The following ESPNL variants were observed in gnomAD, a reference collection of about 807,000 sequenced individuals.
The protein encoded by ESPNL is espin-like protein.
In ESPNL, 49 loss-of-function variants were observed where a neutral mutation model predicts 46.8. The ratio of observed to expected loss-of-function variants is 1.05; its 90% confidence interval spans 0.83 to 1.33. The LOEUF is 1.33. Among genes scored for constraint, ESPNL ranks in the 40% most tolerant of loss-of-function variants. The pLI is 0.00. For synonymous variants in ESPNL, 664 were observed against 662.1 expected (o/e 1.00, Z -0.04); for missense variants, 1,540 against 1,436.6 (o/e 1.07, Z -1.16).
intron 6 of ESPNL, among the ~76,000 whole-genome samples, chr2:238,126,999 TTGTG>T (rs1199257292): frequency 2.7e-5 from 4 of 148,218 alleles, no homozygotes; most frequent in South Asian, 2.2e-4. Flanking sequence ...CTGTGTGTGA[TTGTG>T]TATCTGTGTG....
intron 4 of ESPNL, among the ~76,000 whole-genome samples, chr2:238,113,249 C>T (rs1691749668): frequency 6.6e-6 from 1 of 152,172 alleles, no homozygotes; most frequent in Non-Finnish European, 1.5e-5. Context: ...CTTATGTTTG[C>T]CAGTACCTCT....
At chr2:238,129,038 T>A in intron 8 of ESPNL, 134 bp downstream of exon 8, 4 of 1,433,478 alleles carry the variant, frequency 2.8e-6, no homozygotes, top group Non-Finnish European at 3.6e-6. Flanking sequence ...TGGCCTCAGC[T>A]GCTGCTTCCG....
rs568688924 is a variant in ESPNL, at chr2:238,130,888, C to T, written c.2174C>T (p.Ala725Val). The change falls in exon 9 of 9, where the codon GCG becomes GTG. Residue 725 changes from alanine to valine, a missense_variant. Ala to Val is a moderately conservative substitution (Grantham distance 64). Coordinates refer to ENST00000343063, the MANE Select transcript of ESPNL (RefSeq NM_194312.4). ...GISCEEVPSE[A>V]GAAAGPDLAS... ...AGCTGCGAGGAGGTGCCATCAGAGG[C>T]GGGTGCCGCAGCCGGCCCAGACCTG... 1.7e-5 allele frequency: 27 copies of T among 1,547,422 alleles called. No homozygotes were observed. The highest frequency in any genetic ancestry group is 8.2e-5 in the African/African-American group (6 of 73,530).
intron 7 of ESPNL, among the ~76,000 whole-genome samples, chr2:238,128,329 C>T (rs1559267912): frequency 6.6e-6 from 1 of 152,236 alleles, no homozygotes. Flanking sequence ...GACAAGCCCT[C>T]CGCGGCACAG....
intron 5 of ESPNL, among the ~76,000 whole-genome samples, chr2:238,124,125 C>T (rs1559265579): frequency 6.6e-6 from 1 of 152,246 alleles, no homozygotes; most frequent in African/African-American, 2.4e-5. Context: ...GCATGGGTCC[C>T]TCCCCCTCCC....
Position 238,130,562 on chromosome 2 carries a change from G to T in ESPNL, c.1848G>T (p.Gly616=). The part of the protein sequence containing the change: ...LLKGVHGLVQ[G]DEKPSTRPLQ... ...AGGGCGTGCATGGGCTAGTACAGGGGGATGAGAAGCCATCCACCCGGCCCC... is the reference window on the plus strand; with the variant it reads ...AGGGCGTGCATGGGCTAGTACAGGGTGATGAGAAGCCATCCACCCGGCCCC... Residue 616 remains glycine (G), a synonymous_variant, in exon 9 of 9, where the codon GGG becomes GGT. Coordinates refer to ENST00000343063, the MANE Select transcript of ESPNL (RefSeq NM_194312.4). 2 of 1,585,446 alleles carry T rather than the reference G, an allele frequency of 1.3e-6. No homozygotes were observed. The highest frequency in any genetic ancestry group is 1.7e-6 in the Non-Finnish European group (2 of 1,166,324).
chr2:238,125,125 T>C, intron 5 of ESPNL, 145 bp from the exon 6 acceptor site: 1 of 476,288 alleles, frequency 2.1e-6, no homozygotes, highest in Non-Finnish European at 3.8e-6. Context: ...GACCTGCCCC[T>C]CTCCTGCCAC....
At chr2:238,122,381 G>C (rs1692007526) in intron 5 of ESPNL, among the ~76,000 whole-genome samples, 1 of 152,240 alleles carries the variant, frequency 6.6e-6, no homozygotes, top group African/African-American at 2.4e-5. Flanking sequence ...CTGTCTTGCA[G>C]GCCCATGCCA....
intron 3 of ESPNL, among the ~76,000 whole-genome samples, chr2:238,105,200 C>A (rs4663837): frequency 0.016 from 2,382 of 152,144 alleles, 69 homozygotes; most frequent in African/African-American, 0.054. Flanking sequence ...TTGGGCCACT[C>A]GACCACTTGT....
chr2:238,119,963 G>A (rs1691950090), intron 5 of ESPNL, among the ~76,000 whole-genome samples: 1 of 152,174 alleles, frequency 6.6e-6, no homozygotes, highest in Non-Finnish European at 1.5e-5. Flanking sequence ...ACCCACACCA[G>A]TCCTGCCGTG....
chr2:238,128,711 C>G lies in ESPNL; in HGVS notation c.1220C>G (p.Thr407Arg). Reference sequence around the variant, plus strand: ...GACCCACCCCCTTCTGCACAGGGGACAGAGACGGCGCTGGCGGGGGACACC... The same window carrying G: ...GACCCACCCCCTTCTGCACAGGGGAGAGAGACGGCGCTGGCGGGGGACACC... ...ITSATADPEGTETALAGDTSD... is the reference protein window; with the variant it reads ...ITSATADPEGRETALAGDTSD... Residue 407 changes from threonine to arginine, a missense_variant, in exon 8 of 9, where the codon ACA becomes AGA. Physicochemically the swap from Thr to Arg is moderately conservative, Grantham distance 71. Coordinates refer to ENST00000343063, the MANE Select transcript of ESPNL (RefSeq NM_194312.4). The G allele has an allele frequency of 6.3e-7, 1 of 1,599,236 alleles. No homozygotes were observed. The highest frequency in any genetic ancestry group is 8.5e-7 in the Non-Finnish European group (1 of 1,173,870).
At chr2:238,111,350 TAA>T (rs1269776920) in intron 4 of ESPNL, among the ~76,000 whole-genome samples, 6 of 152,250 alleles carry the variant, frequency 3.9e-5, no homozygotes, top group Non-Finnish European at 8.8e-5. Context: ...TCAGCAGCGC[TAA>T]GTCTGTTCAC....
At chr2:238,111,932 G>A (rs1442197699) in intron 4 of ESPNL, among the ~76,000 whole-genome samples, 1 of 152,050 alleles carries the variant, frequency 6.6e-6, no homozygotes, top group East Asian at 1.9e-4. Context: ...TTTTGTTTAG[G>A]ATTTTTGGCC....
At chr2:238,104,879 G>A (rs999849837) in intron 3 of ESPNL, 37 bp downstream of exon 3, 19 of 1,426,666 alleles carry the variant, frequency 1.3e-5, no homozygotes, top group Middle Eastern at 2.5e-4. Flanking sequence ...GGACATCCAG[G>A]GAGTGTGGGC....
At chr2:238,122,092 G>A (rs865967936) in intron 5 of ESPNL, among the ~76,000 whole-genome samples, 18 of 152,234 alleles carry the variant, frequency 1.2e-4, no homozygotes, top group Middle Eastern at 3.2e-3. Context: ...GACAGCGGTC[G>A]GGGCCGTGGG....
At chr2:238,108,669 C>T (rs748371930) in intron 4 of ESPNL, among the ~76,000 whole-genome samples, 4 of 152,204 alleles carry the variant, frequency 2.6e-5, no homozygotes, top group Non-Finnish European at 5.9e-5. Context: ...CCAGGCTGCT[C>T]AGTCGGGAGC....
Position 238,107,800 on chromosome 2 carries a change from A to G in ESPNL, c.682A>G (p.Thr228Ala), listed in dbSNP as rs375242874. ...GCCCCTCCTTCCCCAGGTCACATTC[A>G]CCGACATCGGACTCACGGCACGGGA... ...YSLVVWLVTF[T>A]DIGLTARDNE... Residue 228 changes from threonine (T) to alanine (A), a missense_variant, in exon 4 of 9, where the codon ACC becomes GCC. Transcript: ENST00000343063. 4.0e-5 allele frequency: 63 copies of G among 1,590,316 alleles called. No homozygotes were observed. Among genetic ancestry groups the G allele is most frequent in the Non-Finnish European group, 5.4e-5 (63 of 1,168,582 alleles).
intron 4 of ESPNL, among the ~76,000 whole-genome samples, chr2:238,113,765 G>A (rs1427306370): frequency 6.6e-6 from 1 of 152,168 alleles, no homozygotes; most frequent in East Asian, 1.9e-4. Context: ...CACATCGGGA[G>A]GTGGTCAACC....
At chr2:238,102,567 C>T (rs1691508863) in intron 2 of ESPNL, among the ~76,000 whole-genome samples, 1 of 152,194 alleles carries the variant, frequency 6.6e-6, no homozygotes, top group African/African-American at 2.4e-5. Flanking sequence ...GCTGGAGCTG[C>T]CTCTGCACTG....
Sources: gnomAD v4.1 joint callset for allele counts (sites outside exome capture counted in the v4.1 genomes callset) on GRCh38, gnomAD v4.1.1 for gene constraint, MANE v1.5 for transcripts, NCBI Gene and HGNC (gene_info 2026-07-23, HGNC 2026-07-21) for gene names.